CNTNAP2: variants seen among roughly 807,000 people sequenced by gnomAD.
The protein encoded by CNTNAP2 is contactin-associated protein-like 2.
In CNTNAP2, 98 loss-of-function variants were observed where a neutral mutation model predicts 155.2. That is an observed-to-expected ratio of 0.63 (90% confidence interval 0.54 to 0.75). The LOEUF is 0.75. Among genes scored for constraint, CNTNAP2 ranks in the 30% least tolerant of loss-of-function variants. CNTNAP2 has a pLI of 0.00. For missense variants in CNTNAP2, 1,727 were observed against 1,688.1 expected, an observed-to-expected ratio of 1.02 and a Z score of -0.40; for synonymous variants, 651 against 631.2, an observed-to-expected ratio of 1.03 and a Z score of -0.47.
At chr7:146,241,853 C>T (rs1452214358) in intron 1 of CNTNAP2, among the ~76,000 whole-genome samples, 1 of 151,856 alleles carries the variant, frequency 6.6e-6, no homozygotes, top group Non-Finnish European at 1.5e-5. Context: ...CACACGCACA[C>T]ACACAAACAT....
intron 14 of CNTNAP2, among the ~76,000 whole-genome samples, chr7:147,936,576 A>T (rs1585037720): frequency 6.6e-6 from 1 of 152,288 alleles, no homozygotes; most frequent in South Asian, 2.1e-4. Context: ...TTCAACTATG[A>T]AATGACTACA....
rs867961734 is a variant in CNTNAP2, at chr7:147,047,758, C to G, written c.550+3704C>G. On this transcript the variant is annotated intron_variant, in intron 4 of 23. Coordinates refer to ENST00000361727, the MANE Select transcript of CNTNAP2 (RefSeq NM_014141.6). ...TGCTGTCATGGGCTTTTCCATCAAG[C>G]CTGGGCTTTGACAATTACAAGACAA... Among the ~76,000 whole-genome samples, 8 of 152,092 alleles carry G rather than the reference C, an allele frequency of 5.3e-5. No homozygotes were observed. In the South Asian group the frequency reaches 1.2e-3, roughly 24 times the overall value.
chr7:146,671,531 G>A (rs1012036629), intron 1 of CNTNAP2, among the ~76,000 whole-genome samples: 7 of 151,908 alleles, frequency 4.6e-5, no homozygotes, highest in Admixed American at 2.0e-4. Context: ...TTAGAATTTG[G>A]AGCTCCACTA....
At position 147,144,045 on chromosome 7, in the gene CNTNAP2, A is replaced by AT. The variant is rs1179022294; in HGVS notation, c.1348+11544dup. Reference sequence around the variant, plus strand: ...ACTCCAGGGAAAAACAAGAGAATAAATTTTTTTTGTACCTTCTACTTGAGA... The same window carrying AT: ...ACTCCAGGGAAAAACAAGAGAATAAATTTTTTTTTGTACCTTCTACTTGAGA... On this transcript the variant is annotated intron_variant, in intron 8 of 23. Transcript: ENST00000361727. 2.0e-5 allele frequency among the ~76,000 whole-genome samples: 3 copies of AT among 151,980 alleles called. No individual in the cohort carries two copies. In the East Asian group the frequency reaches 5.8e-4, roughly 29 times the overall value.
chr7:147,545,822 T>C (rs760634518), intron 11 of CNTNAP2, among the ~76,000 whole-genome samples: 14 of 152,180 alleles, frequency 9.2e-5, no homozygotes, highest in Non-Finnish European at 1.6e-4. Flanking sequence ...GCTCCCATAA[T>C]TCCCACGTGT....
At chr7:146,922,611 T>C (rs1796527061) in intron 3 of CNTNAP2, among the ~76,000 whole-genome samples, 1 of 152,168 alleles carries the variant, frequency 6.6e-6, no homozygotes, top group Non-Finnish European at 1.5e-5. Context: ...TTGCAGTGTA[T>C]AGTGAGAATT....
chr7:147,012,943 G>C (rs1014413461), intron 3 of CNTNAP2, among the ~76,000 whole-genome samples: 1 of 152,112 alleles, frequency 6.6e-6, no homozygotes, highest in African/African-American at 2.4e-5. Context: ...GTTTAAAATT[G>C]AATCTCCAAG....
intron 1 of CNTNAP2, among the ~76,000 whole-genome samples, chr7:146,209,382 T>G (rs1344398360): frequency 2.0e-5 from 3 of 152,210 alleles, no homozygotes. Flanking sequence ...CATCCTGTTC[T>G]TATGCAACAT....
intron 8 of CNTNAP2, among the ~76,000 whole-genome samples, chr7:147,226,475 T>C (rs1803546040): frequency 6.6e-6 from 1 of 151,960 alleles, no homozygotes; most frequent in African/African-American, 2.4e-5. Flanking sequence ...AAATGTGGCA[T>C]GAACTCTTCC....
Position 148,095,183 on chromosome 7 carries a change from C to T in CNTNAP2, c.2384-22935C>T, listed in dbSNP as rs1012985872. On this transcript the variant is annotated intron_variant, in intron 15 of 23. Transcript: ENST00000361727. ...TGTTTTCCCCAGAGACCCACAGAAA[C>T]GCCAGTTTGCCTCCTAGTGTAACCC... Among the ~76,000 whole-genome samples the T allele has an allele frequency of 7.9e-5, 12 of 152,152 alleles. 1 individual carries two copies. Among genetic ancestry groups the T allele is most frequent in the Admixed American group, 5.9e-4 (9 of 15,274 alleles).
intron 11 of CNTNAP2, among the ~76,000 whole-genome samples, chr7:147,513,666 A>G (rs1175805263): frequency 6.6e-6 from 1 of 152,246 alleles, no homozygotes; most frequent in African/African-American, 2.4e-5. Flanking sequence ...TCATGAAGCA[A>G]GCCAAAAATA....
chr7:148,321,519 A>G (rs1245384932), intron 21 of CNTNAP2, among the ~76,000 whole-genome samples: 1 of 152,176 alleles, frequency 6.6e-6, no homozygotes, highest in Non-Finnish European at 1.5e-5. Flanking sequence ...AAACAAGATT[A>G]TTTGTTGACA....
chr7:147,455,888 T>C (rs371364715), intron 10 of CNTNAP2, among the ~76,000 whole-genome samples: 28 of 152,098 alleles, frequency 1.8e-4, no homozygotes, highest in African/African-American at 6.5e-4. Flanking sequence ...AATAGTATAA[T>C]TCACATCATA....
At chr7:146,267,963 C>A (rs1282165469) in intron 1 of CNTNAP2, among the ~76,000 whole-genome samples, 2 of 152,082 alleles carry the variant, frequency 1.3e-5, no homozygotes, top group African/African-American at 4.8e-5. Context: ...CATGAGAAAG[C>A]AACAATCCTC....
chr7:147,563,411 A>G (rs1192392745), intron 12 of CNTNAP2, among the ~76,000 whole-genome samples: 1 of 152,060 alleles, frequency 6.6e-6, no homozygotes, highest in Non-Finnish European at 1.5e-5. Flanking sequence ...TAGGTGGATC[A>G]TGAGGTCAAG....
rs1584849668 is a variant in CNTNAP2, at chr7:147,605,712, A to G, written c.1898-33394A>G. ...CATTAGAAAGGGAAAGTTCAGAAAA[A>G]GGTTCTCCCTGCGCTTTTGGGGGAG... On this transcript the variant is annotated intron_variant, in intron 12 of 23. Transcript: ENST00000361727. 2.6e-5 allele frequency among the ~76,000 whole-genome samples: 4 copies of G among 152,208 alleles called. No homozygotes were observed. The East Asian group carries it at 5.8e-4, about 22-fold the overall frequency.
chr7:148,335,859 G>GT (rs5888319), intron 21 of CNTNAP2, among the ~76,000 whole-genome samples: 76,961 of 151,520 alleles, frequency 0.51, 19,765 homozygotes, highest in East Asian at 0.66. Context: ...AATATTGTAC[G>GT]TTTTTTTTCA....
chr7:148,262,342 T>A (rs907924238), intron 20 of CNTNAP2, among the ~76,000 whole-genome samples: 35 of 152,222 alleles, frequency 2.3e-4, no homozygotes, highest in Admixed American at 2.3e-3. Flanking sequence ...TTTTTTAATT[T>A]CTTGTATTAG....
intron 4 of CNTNAP2, among the ~76,000 whole-genome samples, chr7:147,097,821 CGT>C (rs1800573578): frequency 6.6e-6 from 1 of 152,108 alleles, no homozygotes; most frequent in African/African-American, 2.4e-5. Context: ...GAATATGTAG[CGT>C]GTTTCAAAGA....
Sources: allele counts gnomAD v4.1 joint callset (sites outside exome capture counted in the v4.1 genomes callset), GRCh38; gene constraint gnomAD v4.1.1; transcripts MANE v1.5; gene names NCBI Gene and HGNC (gene_info 2026-07-23, HGNC 2026-07-21).